The following ZMIZ1 variants were observed in gnomAD, a reference collection of about 807,000 sequenced individuals.
ZMIZ1 encodes the protein zinc finger MIZ-type containing 1, also known as zinc finger MIZ domain-containing protein 1.
In ZMIZ1, 17 loss-of-function variants were observed where a neutral mutation model predicts 113.9. The observed-to-expected ratio is 0.15, with a 90% CI of 0.10 to 0.22. ZMIZ1 has a LOEUF of 0.22. Ranked by LOEUF, ZMIZ1 falls within the 10% of genes least tolerant of loss-of-function variation. The pLI, the probability that ZMIZ1 is intolerant of heterozygous loss-of-function variation, is 1.00. For missense variants in ZMIZ1, 1,059 were observed against 1,477.8 expected (o/e 0.72, Z 4.65); for synonymous variants, 607 against 603.1 (o/e 1.01, Z -0.09).
chr10:79,201,753 G>A, intron 5 of ZMIZ1, 61 bp downstream of exon 5: 2 of 1,585,892 alleles, frequency 1.3e-6, no homozygotes, highest in Non-Finnish European at 1.7e-6. Context: ...GCAGCAGCAG[G>A]GCATCTGGTG....
At chr10:79,237,288 T>A (rs1043975518) in intron 7 of ZMIZ1, among the ~76,000 whole-genome samples, 75 of 150,644 alleles carry the variant, frequency 5.0e-4, no homozygotes, top group African/African-American at 1.7e-3. Context: ...AGGACTTGCA[T>A]TTTACACCAA....
chr10:79,269,461 A>ACACACT (rs1488554792), intron 7 of ZMIZ1, among the ~76,000 whole-genome samples: 2 of 108,522 alleles, frequency 1.8e-5, no homozygotes, highest in Non-Finnish European at 3.4e-5. Flanking sequence ...CCCCCAACAC[A>ACACACT]CACACACACA....
At chr10:79,144,122 C>A (rs770570937) in intron 3 of ZMIZ1, among the ~76,000 whole-genome samples, 13 of 152,166 alleles carry the variant, frequency 8.5e-5, no homozygotes, top group Non-Finnish European at 1.5e-4. Flanking sequence ...CGAGTAATCC[C>A]GTGCCTTTAG....
intron 5 of ZMIZ1, among the ~76,000 whole-genome samples, chr10:79,206,237 A>G (rs1424405888): frequency 6.6e-6 from 1 of 152,190 alleles, no homozygotes; most frequent in South Asian, 2.1e-4. Context: ...AAGGCTGGGC[A>G]CTCGGGTGCC....
At chr10:79,078,719 A>ATATTTTT (rs568230205) in intron 1 of ZMIZ1, among the ~76,000 whole-genome samples, 4 of 125,080 alleles carry the variant, frequency 3.2e-5, no homozygotes, top group Admixed American at 2.4e-4. Context: ...TAATTTTTGT[A>ATATTTTT]TTTTTTTTTT....
intron 7 of ZMIZ1, among the ~76,000 whole-genome samples, chr10:79,240,241 G>C (rs372048850): frequency 1.3e-5 from 2 of 152,220 alleles, no homozygotes; most frequent in Non-Finnish European, 2.9e-5. Flanking sequence ...CCCCCTTGCC[G>C]AGGTCACTCA....
intron 7 of ZMIZ1, among the ~76,000 whole-genome samples, chr10:79,229,621 G>A (rs546337761): frequency 2.6e-5 from 4 of 152,296 alleles, no homozygotes; most frequent in Admixed American, 6.5e-5. Context: ...GAAACTCAGC[G>A]CACAGGATAA....
intron 7 of ZMIZ1, among the ~76,000 whole-genome samples, chr10:79,240,465 A>T (rs967187497): frequency 2.6e-5 from 4 of 152,098 alleles, no homozygotes; most frequent in Non-Finnish European, 4.4e-5. Context: ...ATTTCTGTAG[A>T]CCGGAGGCGT....
chr10:79,252,124 C>A (rs112923349), intron 7 of ZMIZ1, among the ~76,000 whole-genome samples: 1 of 152,120 alleles, frequency 6.6e-6, no homozygotes, highest in Non-Finnish European at 1.5e-5. Flanking sequence ...GCTTTTCCTT[C>A]GACTGCTGCT....
chr10:79,287,901 A>T (rs900278872), intron 8 of ZMIZ1, among the ~76,000 whole-genome samples: 2 of 152,240 alleles, frequency 1.3e-5, no homozygotes, highest in Admixed American at 6.5e-5. Context: ...TAATCAAAAA[A>T]ATATATAATT....
chr10:79,276,520 C>G (rs1852302244), intron 7 of ZMIZ1, among the ~76,000 whole-genome samples: 4 of 152,212 alleles, frequency 2.6e-5, no homozygotes, highest in Admixed American at 2.6e-4. Flanking sequence ...CCACCCTGGC[C>G]ACCCTCTGCT....
intron 7 of ZMIZ1, among the ~76,000 whole-genome samples, chr10:79,219,335 T>C (rs1848866272): frequency 6.6e-6 from 1 of 152,150 alleles, no homozygotes; most frequent in Admixed American, 6.5e-5. Flanking sequence ...TTCTCATATG[T>C]TTTGTGGTGG....
rs34178865 is a variant in ZMIZ1 at position 79,078,570 on chromosome 10, CT to C, written c.-337+9322del. Among the ~76,000 whole-genome samples the C allele has an allele frequency of 1.1e-3, 95 of 87,802 alleles. No individual in the cohort carries two copies. In the South Asian group the frequency reaches 0.014, roughly 13 times the overall value. 57.6% of individuals were successfully genotyped at this position (87,802 alleles called of 152,430 possible). A position where few individuals can be genotyped will look rare whatever the true frequency, so the allele number is the denominator to read the frequency against. ...GACTACAGACACCACCCACCCCCGA[CT>C]TTTTTTTTTTTTTTTTTTTTTGGAG... On this transcript the variant is annotated intron_variant, in intron 1 of 24. Coordinates refer to ENST00000334512, the MANE Select transcript of ZMIZ1 (RefSeq NM_020338.4).
chr10:79,301,818 G>A (rs1177862100), intron 17 of ZMIZ1, among the ~76,000 whole-genome samples: 2 of 152,170 alleles, frequency 1.3e-5, no homozygotes, highest in African/African-American at 4.8e-5. Flanking sequence ...ACATGATGGG[G>A]AGGCAGTGGT....
intron 7 of ZMIZ1, among the ~76,000 whole-genome samples, chr10:79,231,827 C>T (rs1849407790): frequency 6.6e-6 from 1 of 152,242 alleles, no homozygotes; most frequent in Non-Finnish European, 1.5e-5. Flanking sequence ...ATCCACCTGC[C>T]TCAGCCTCCC....
intron 20 of ZMIZ1, 132 bp from the exon 21 acceptor site, chr10:79,305,401 G>T (rs1488323695): frequency 2.0e-5 from 25 of 1,225,364 alleles, no homozygotes; most frequent in Middle Eastern, 1.9e-4. Flanking sequence ...CGCGGTCAGA[G>T]TCCCCCTCTC....
At chr10:79,133,433 C>G (rs1413215863) in intron 2 of ZMIZ1, among the ~76,000 whole-genome samples, 1 of 152,146 alleles carries the variant, frequency 6.6e-6, no homozygotes, top group Non-Finnish European at 1.5e-5. Flanking sequence ...CCCTCTGCAC[C>G]TCAGGGGTAC....
chr10:79,277,159 G>C, intron 7 of ZMIZ1, 22 bp from the exon 8 acceptor site: 2 of 1,497,074 alleles, frequency 1.3e-6, no homozygotes, highest in Non-Finnish European at 1.8e-6. Flanking sequence ...AGCACCCACT[G>C]ACTGTCCTGT....
At chr10:79,263,650 G>T (rs2131913327) in intron 7 of ZMIZ1, among the ~76,000 whole-genome samples, 1 of 152,318 alleles carries the variant, frequency 6.6e-6, no homozygotes, top group South Asian at 2.1e-4. Context: ...TGGGTGGAAT[G>T]AAGCCACTTG....
Sources: gnomAD v4.1 joint callset for allele counts (sites outside exome capture counted in the v4.1 genomes callset) on GRCh38, gnomAD v4.1.1 for gene constraint, MANE v1.5 for transcripts, NCBI Gene and HGNC (gene_info 2026-07-23, HGNC 2026-07-21) for gene names.